SPG21: variants seen among roughly 807,000 people sequenced by gnomAD.
SPG21 encodes the protein maspardin.
Under a neutral mutation model 38.9 loss-of-function variants are expected in SPG21, and 26 were observed. That is an observed-to-expected ratio of 0.67 (90% CI 0.49 to 0.93). The LOEUF is 0.93. Among genes scored for constraint, SPG21 ranks in the 40% least tolerant of loss-of-function variants. The pLI, the probability that SPG21 is intolerant of heterozygous loss-of-function variation, is 0.00. For missense variants in SPG21, 333 were observed against 376.5 expected (o/e 0.88, Z 0.96); for synonymous variants, 136 against 128.9 (o/e 1.05, Z -0.37).
chr15:64,987,449 C>G (rs2086018472), intron 1 of SPG21: 1 of 152,188 alleles, frequency 6.6e-6, no homozygotes, highest in Non-Finnish European at 1.5e-5. Flanking sequence ...TCTCTTTCAT[C>G]CACCAAAGGG....
chr15:64,983,449 C>T, intron 2 of SPG21, 58 bp downstream of exon 2: 1 of 1,216,814 alleles, frequency 8.2e-7, no homozygotes, highest in Non-Finnish European at 1.2e-6. Context: ...ACATCTAAAT[C>T]ACACACAAAA....
chr15:64,972,081 G>A (rs1378638647), intron 5 of SPG21, among the ~76,000 whole-genome samples: 3 of 152,294 alleles, frequency 2.0e-5, no homozygotes, highest in East Asian at 1.9e-4. Context: ...AACCTATGAC[G>A]AAAATTACTT....
In SPG21 at chr15:64,983,564, T is replaced by A; in HGVS notation, c.6A>T (p.Gly2=). 6.4e-7 allele frequency: 1 copy of A among 1,572,860 alleles called. No individual in the cohort carries two copies. The highest frequency in any genetic ancestry group is 1.3e-5 in the African/African-American group (1 of 74,492). Residue 2 remains glycine (G), a synonymous_variant, in exon 2 of 9, where the codon GGA becomes GGT. Transcript: ENST00000204566. M[G]EIKVSPDYNW... ...TATAATCAGGAGAGACTTTAATCTC[T>A]CCCATGATTAGCTGAAATGGAGGTT...
intron 2 of SPG21, among the ~76,000 whole-genome samples, chr15:64,982,148 T>TC (rs1284468982): frequency 3.4e-5 from 5 of 145,758 alleles, no homozygotes; most frequent in Non-Finnish European, 6.1e-5. Flanking sequence ...TTTTCTTTTT[T>TC]TTTTTTTTTT....
rs1242565742 is a variant in SPG21, at chr15:64,969,319, A to G, written c.605T>C (p.Leu202Ser). 6.2e-7 allele frequency: 1 copy of G among 1,614,168 alleles called. No individual in the cohort carries two copies. The highest frequency in any genetic ancestry group is 1.1e-5 in the South Asian group (1 of 91,086). Reference protein sequence around the residue: ...GQSELASRLTLNCQNSYVEPH... With the variant: ...GQSELASRLTSNCQNSYVEPH... ...TTCCACATAAGAATTTTGACAATTCAAGGTAAGTCTTGAAGCCAGTTCACT... is the reference window on the plus strand; with the variant it reads ...TTCCACATAAGAATTTTGACAATTCGAGGTAAGTCTTGAAGCCAGTTCACT... Residue 202 changes from leucine to serine, a missense_variant, in exon 7 of 9, where the codon TTG (leucine) becomes TCG (serine). Leu to Ser is a moderately radical substitution (Grantham distance 145). Coordinates refer to ENST00000204566, the MANE Select transcript of SPG21 (RefSeq NM_016630.7).
intron 3 of SPG21, among the ~76,000 whole-genome samples, chr15:64,979,167 C>T (rs969781224): frequency 3.7e-4 from 56 of 152,292 alleles, no homozygotes; most frequent in African/African-American, 1.3e-3. Context: ...ACAGGGAAAG[C>T]GCACAACAAG....
intron 2 of SPG21, chr15:64,981,483 G>A (rs1167522529): frequency 1.7e-5 from 3 of 176,966 alleles, no homozygotes; most frequent in African/African-American, 4.8e-5. Flanking sequence ...TAGAGACGGG[G>A]TTTCACCATA....
intron 5 of SPG21, 85 bp from the exon 6 acceptor site, chr15:64,970,307 T>C: frequency 8.4e-7 from 1 of 1,193,454 alleles, no homozygotes; most frequent in Non-Finnish European, 1.2e-6. Context: ...TTGTATTAGC[T>C]TGGGATCTAG....
At chr15:64,971,565 C>A (rs568625291) in intron 5 of SPG21, among the ~76,000 whole-genome samples, 3 of 149,420 alleles carry the variant, frequency 2.0e-5, no homozygotes, top group African/African-American at 7.5e-5. Context: ...CTGAGCCAGG[C>A]GCAATGGCTC....
At chr15:64,980,128 A>C (rs781581887) in intron 3 of SPG21, among the ~76,000 whole-genome samples, 56 of 152,174 alleles carry the variant, frequency 3.7e-4, no homozygotes, top group Non-Finnish European at 6.2e-4. Flanking sequence ...ATGCTCAGCA[A>C]CCCTGGAAGC....
intron 7 of SPG21, among the ~76,000 whole-genome samples, chr15:64,966,671 G>T (rs6494505): frequency 6.6e-6 from 1 of 151,886 alleles, no homozygotes; most frequent in East Asian, 1.9e-4. Flanking sequence ...AGGCTGAGGC[G>T]GGCAGATCAT....
chr15:64,973,162 T>A (rs755653251), intron 5 of SPG21, among the ~76,000 whole-genome samples: 28 of 152,042 alleles, frequency 1.8e-4, no homozygotes, highest in Non-Finnish European at 3.8e-4. Context: ...AGAGATGGGG[T>A]CTCACTATGT....
In SPG21 at chr15:64,964,788, G is replaced by A. The variant is rs1595865791; in HGVS notation, c.810+532C>T. 2.6e-5 allele frequency among the ~76,000 whole-genome samples: 4 copies of A among 151,806 alleles called. No individual in the cohort carries two copies. The South Asian group carries it at 8.6e-4, about 32-fold the overall frequency. On this transcript the variant is annotated intron_variant, in intron 8 of 8. Transcript: ENST00000204566. ...TGGGACTACAGGTGTGCACCACCAC[G>A]TCCAGCTAATTTTTTTTGTATTTTT...
chr15:64,974,398 C>G (rs1007825233), intron 5 of SPG21, among the ~76,000 whole-genome samples: 1 of 152,026 alleles, frequency 6.6e-6, no homozygotes, highest in Admixed American at 6.6e-5. Flanking sequence ...TCGCTTGAGC[C>G]TGGGAAATAA....
chr15:64,988,512 C>T (rs2086044825), intron 1 of SPG21: 1 of 152,244 alleles, frequency 6.6e-6, no homozygotes, highest in Non-Finnish European at 1.5e-5. Flanking sequence ...CCATCCCTCA[C>T]CACAGAAGTA....
intron 4 of SPG21, 55 bp downstream of exon 4, chr15:64,976,420 A>G (rs1362981859): frequency 8.5e-6 from 11 of 1,291,826 alleles, no homozygotes; most frequent in East Asian, 2.3e-5. Context: ...GTGAGACTTC[A>G]TCTCAAAAAA....
intron 2 of SPG21, among the ~76,000 whole-genome samples, chr15:64,982,142 C>CTT (rs56118434): frequency 0.025 from 2,880 of 114,446 alleles, 128 homozygotes; most frequent in African/African-American, 0.06. Context: ...CTTTTCTTTT[C>CTT]TTTTTTTTTT....
rs142786475 is a variant in SPG21 at position 64,963,623 on chromosome 15, C to G, written c.924G>C (p.Gln308His). 1.9e-6 allele frequency: 3 copies of G among 1,613,206 alleles called. No homozygotes were observed. In the African/African-American group the frequency reaches 4.0e-5, roughly 22 times the overall value. The change falls in exon 9 of 9, where the codon CAG (glutamine) becomes CAC (histidine). Residue 308 changes from glutamine to histidine, a missense_variant. Physicochemically the swap from Gln to His is conservative, Grantham distance 24 (BLOSUM62 0). Coordinates refer to ENST00000204566, the MANE Select transcript of SPG21 (RefSeq NM_016630.7). ...KGSLGISQEE[Q>H] ...ATCATTGACAGCGAGAGACACACTA[C>G]TGCTCCTCCTGGCTGATGCCAAGGC... is the stretch of plus-strand genomic sequence containing the variant.
chr15:64,971,653 T>C (rs557786239), intron 5 of SPG21, among the ~76,000 whole-genome samples: 1 of 151,510 alleles, frequency 6.6e-6, no homozygotes, highest in Admixed American at 6.6e-5. Context: ...CTGGCCAAGA[T>C]GGTGAAACCC....
Sources: gnomAD v4.1 joint callset for allele counts (sites outside exome capture counted in the v4.1 genomes callset) on GRCh38, gnomAD v4.1.1 for gene constraint, MANE v1.5 for transcripts, NCBI Gene and HGNC (gene_info 2026-07-23, HGNC 2026-07-21) for gene names.